The following PTPRB variants were observed in gnomAD, a reference collection of about 807,000 sequenced individuals.
The protein encoded by PTPRB is receptor-type tyrosine-protein phosphatase beta.
Under a neutral mutation model 238.1 loss-of-function variants are expected in PTPRB, and 97 were observed. The ratio of observed to expected loss-of-function variants is 0.41; its 90% CI spans 0.35 to 0.48. PTPRB has a LOEUF of 0.48. PTPRB is among the 20% of genes least tolerant of loss of function. The pLI is 0.30. For missense variants in PTPRB, 2,292 were observed against 2,681.9 expected (o/e 0.85, Z 3.21); for synonymous variants, 970 against 995.4 (o/e 0.97, Z 0.48).
intron 32 of PTPRB, 41 bp downstream of exon 32, chr12:70,531,994 G>T (rs182615276): frequency 6.2e-7 from 1 of 1,612,238 alleles, no homozygotes; most frequent in East Asian, 2.2e-5. Flanking sequence ...GAATACAGTG[G>T]GGAGGAGGGT....
rs771709685 is a variant in PTPRB, at chr12:70,521,380, T to C, written c.*109A>G. The stretch of plus-strand genomic sequence containing the variant: ...AAACATTCTCCAGATTAATAAATTA[T>C]ACATAGTATCAACAGAAATAGCTGG... On this transcript the variant is annotated 3_prime_UTR_variant, in exon 34 of 34. Transcript: ENST00000334414. 6 of 679,432 alleles carry C rather than the reference T, an allele frequency of 8.8e-6. No homozygotes were observed. The highest frequency in any genetic ancestry group is 1.4e-5 in the Non-Finnish European group (6 of 433,568). 42.1% of individuals were successfully genotyped at this position (679,432 alleles called of 1,614,324 possible).
intron 2 of PTPRB, among the ~76,000 whole-genome samples, chr12:70,626,246 A>G (rs1885169107): frequency 6.6e-6 from 1 of 151,568 alleles, no homozygotes. Context: ...TGGAAAAAAG[A>G]TAACAAATGA....
chr12:70,520,274 A>C lies in PTPRB; in HGVS notation c.*1215T>G, dbSNP rs769817086. On this transcript the variant is annotated 3_prime_UTR_variant, in exon 34 of 34. Transcript: ENST00000334414. ...GGAATTTGTTATAGTCAAAGTAAGTAAGGCACAAATATTGAAGATAAACTT... is the reference window on the plus strand; with the variant it reads ...GGAATTTGTTATAGTCAAAGTAAGTCAGGCACAAATATTGAAGATAAACTT... The C allele has an allele frequency of 4.6e-5, 21 of 455,920 alleles. No individual in the cohort carries two copies. Among genetic ancestry groups the C allele is most frequent in the African/African-American group, 8.0e-5 (4 of 50,246 alleles). 28.2% of individuals were successfully genotyped at this position (455,920 alleles called of 1,614,324 possible).
chr12:70,555,094 T>C, intron 20 of PTPRB, 66 bp downstream of exon 20: 1 of 1,520,128 alleles, frequency 6.6e-7, no homozygotes, highest in Non-Finnish European at 8.9e-7. Context: ...CACAGAAAGA[T>C]CTCCCACATG....
chr12:70,531,873 T>C (rs1873301833), intron 32 of PTPRB, among the ~76,000 whole-genome samples, 162 bp downstream of exon 32: 1 of 152,224 alleles, frequency 6.6e-6, no homozygotes, highest in Non-Finnish European at 1.5e-5. Context: ...TGAGATTTGT[T>C]TTAAAATAAC....
At chr12:70,585,796 G>A (rs969197613) in intron 9 of PTPRB, among the ~76,000 whole-genome samples, 5 of 140,244 alleles carry the variant, frequency 3.6e-5, no homozygotes, top group African/African-American at 8.0e-5. Context: ...TCCCTCCCCC[G>A]ACCCCCGACC....
chr12:70,540,990 G>A (rs1351529548), intron 22 of PTPRB, 33 bp from the exon 23 acceptor site: 3 of 1,541,768 alleles, frequency 1.9e-6, no homozygotes, highest in South Asian at 2.4e-5. Flanking sequence ...AACAAACGCA[G>A]GTGGGAAAAT....
At chr12:70,568,458 C>T (rs1045944520) in intron 14 of PTPRB, among the ~76,000 whole-genome samples, 3 of 152,038 alleles carry the variant, frequency 2.0e-5, no homozygotes, top group Admixed American at 6.6e-5. Context: ...CCATCACACC[C>T]AGCTAATTTT....
intron 3 of PTPRB, 27 bp downstream of exon 3, chr12:70,622,363 C>T: frequency 1.2e-6 from 2 of 1,608,520 alleles, no homozygotes; most frequent in Non-Finnish European, 1.7e-6. Context: ...GTGCACAGAC[C>T]ACACTCCACA....
intron 2 of PTPRB, among the ~76,000 whole-genome samples, chr12:70,624,075 T>C (rs1282724392): frequency 1.3e-5 from 2 of 152,164 alleles, no homozygotes; most frequent in Non-Finnish European, 2.9e-5. Context: ...CAAAGGGTTG[T>C]GCAAAGTACC....
At position 70,569,905 on chromosome 12, in the gene PTPRB, G is replaced by A. The variant is rs1879817586; in HGVS notation, c.3404C>T (p.Pro1135Leu). 1 of 1,611,622 alleles carries A rather than the reference G, an allele frequency of 6.2e-7. No individual in the cohort carries two copies. The highest frequency in any genetic ancestry group is 1.3e-5 in the African/African-American group (1 of 74,826). Residue 1135 changes from proline (P) to leucine (L), a missense_variant, in exon 14 of 34, where the codon CCC (proline) becomes CTC (leucine). Physicochemically the swap from Pro to Leu is moderately conservative, Grantham distance 98. This residue lies in a region of PTPRB where 683 missense variants were observed against 862.0 expected (regional missense o/e 0.79). Coordinates refer to ENST00000334414, the MANE Select transcript of PTPRB (RefSeq NM_001109754.4). ...CGTCAGGCTATCTGTTGCTCCATTG[G>A]GAGAAATGTGAATATTTTTGACAGC... Reference protein sequence around the residue: ...PSAVKNIHISPNGATDSLTVN... With the variant: ...PSAVKNIHISLNGATDSLTVN...
rs575023983 is a variant in PTPRB, at chr12:70,597,854, T to C, written c.980-1527A>G. ...TATAAACAGACAACTCATAAGACTA[T>C]GTATGGCTGACCAATAGACACCATA... On this transcript the variant is annotated intron_variant, in intron 4 of 33. Transcript: ENST00000334414. Among the ~76,000 whole-genome samples the C allele has an allele frequency of 2.0e-5, 3 of 152,346 alleles. No homozygotes were observed. In the East Asian group the frequency reaches 5.8e-4, roughly 29 times the overall value.
chr12:70,554,682 A>T (rs1203191910), intron 20 of PTPRB, among the ~76,000 whole-genome samples: 7 of 152,128 alleles, frequency 4.6e-5, no homozygotes, highest in Admixed American at 4.6e-4. Context: ...GCTTTTGGTT[A>T]TTTTTGTGAC....
chr12:70,538,457 C>T (rs1286422857), intron 27 of PTPRB: 7 of 515,182 alleles, frequency 1.4e-5, no homozygotes, highest in South Asian at 3.1e-5. Flanking sequence ...ATCTGTGCTT[C>T]CCTTTCTGAC....
In PTPRB at chr12:70,609,471, C is replaced by T. The variant is rs867180733; in HGVS notation, c.709-132G>A. 4.1e-6 allele frequency: 5 copies of T among 1,231,294 alleles called. No homozygotes were observed. In the South Asian group the frequency reaches 4.5e-5, roughly 11 times the overall value. 76.3% of individuals were successfully genotyped at this position (1,231,294 alleles called of 1,614,324 possible). A position where few individuals can be genotyped will look rare whatever the true frequency, so the allele number is the denominator to read the frequency against. ...TCCCTTGCCTCAGCCAGTCCTTTTG[C>T]CCTCTGGCCAGAGAAGAGGCTTGCA... On this transcript the variant is annotated intron_variant, in intron 3 of 33. Coordinates refer to ENST00000334414, the MANE Select transcript of PTPRB (RefSeq NM_001109754.4).
At position 70,587,278 on chromosome 12, in the gene PTPRB, A is replaced by C; in HGVS notation, c.2051-11T>G. 6.2e-7 allele frequency: 1 copy of C among 1,613,066 alleles called. No individual in the cohort carries two copies. On this transcript the variant is annotated splice_polypyrimidine_tract_variant and intron_variant, in intron 8 of 33. Transcript: ENST00000334414. Reference sequence around the variant, plus strand: ...GGACAGCCAGGGGGACTGAGGAAAAAGCAATGGAGATGGGTCATTGATGGA... The same window carrying C: ...GGACAGCCAGGGGGACTGAGGAAAACGCAATGGAGATGGGTCATTGATGGA...
Position 70,632,429 on chromosome 12 carries a change from G to C in PTPRB, c.451+3242C>G, listed in dbSNP as rs993493536. On this transcript the variant is annotated intron_variant, in intron 2 of 33. Coordinates refer to ENST00000334414, the MANE Select transcript of PTPRB (RefSeq NM_001109754.4). ...GACATCACACACTGGGTCCTGTCGG[G>C]GGGTGGGGGACTGGGGGAAGGATAG... Among the ~76,000 whole-genome samples the C allele has an allele frequency of 6.6e-5, 10 of 152,064 alleles. No individual in the cohort carries two copies. In the East Asian group the frequency reaches 9.7e-4, roughly 15 times the overall value.
intron 14 of PTPRB, among the ~76,000 whole-genome samples, chr12:70,568,534 T>C (rs1233378184): frequency 6.6e-6 from 1 of 152,164 alleles, no homozygotes; most frequent in East Asian, 1.9e-4. Flanking sequence ...CCTGACCTTG[T>C]GATCCACCCA....
In PTPRB at chr12:70,599,886, C is replaced by T. The variant is rs547797783; in HGVS notation, c.980-3559G>A. On this transcript the variant is annotated intron_variant, in intron 4 of 33. Transcript: ENST00000334414. ...TCAGGAGGCTGAGGCAGGAGGGTTG[C>T]TTGGGTCCAGGTATTGGAGGCTATA... Among the ~76,000 whole-genome samples the T allele has an allele frequency of 1.6e-3, 241 of 151,802 alleles. 1 individual carries two copies. Among genetic ancestry groups the T allele is most frequent in the African/African-American group, 5.6e-3 (232 of 41,302 alleles).
Sources: allele counts gnomAD v4.1 joint callset (sites outside exome capture counted in the v4.1 genomes callset), GRCh38; gene constraint gnomAD v4.1.1; regional missense constraint gnomAD v4.1.1; transcripts MANE v1.5; gene names NCBI Gene and HGNC (gene_info 2026-07-23, HGNC 2026-07-21).